Variants in CDK17 observed in about 807,000 individuals in gnomAD.
CDK17 encodes cyclin-dependent kinase 17.
Under a neutral mutation model 77.6 loss-of-function variants are expected in CDK17, and 24 were observed. That is an observed-to-expected ratio of 0.31 (90% confidence interval 0.22 to 0.44). The LOEUF (loss-of-function observed/expected upper bound fraction) is 0.44. Among genes scored for constraint, CDK17 ranks in the 20% least tolerant of loss-of-function variants. CDK17 has a pLI of 1.00. For missense variants in CDK17, 429 were observed against 622.5 expected, an observed-to-expected ratio of 0.69 and a Z score of 3.31; for synonymous variants, 203 against 210.4, an observed-to-expected ratio of 0.96 and a Z score of 0.30.
At chr12:96,312,595 G>A (rs965266717) in intron 4 of CDK17, among the ~76,000 whole-genome samples, 2 of 151,938 alleles carry the variant, frequency 1.3e-5, no homozygotes, top group African/African-American at 4.8e-5. Context: ...CAACCAATAG[G>A]AGAGATACCT....
chr12:96,345,420 T>C (rs1254817972), intron 1 of CDK17, among the ~76,000 whole-genome samples: 2 of 152,220 alleles, frequency 1.3e-5, no homozygotes, highest in East Asian at 3.8e-4. Flanking sequence ...TCCACAATGG[T>C]TGAACTAATT....
At chr12:96,338,238 A>G (rs1953073551) in intron 1 of CDK17, among the ~76,000 whole-genome samples, 1 of 152,230 alleles carries the variant, frequency 6.6e-6, no homozygotes, top group South Asian at 2.1e-4. Flanking sequence ...GTCATAGCCC[A>G]TGCAACTCCA....
chr12:96,342,658 C>A (rs980415651), intron 1 of CDK17, among the ~76,000 whole-genome samples: 2 of 152,106 alleles, frequency 1.3e-5, no homozygotes, highest in African/African-American at 4.8e-5. Flanking sequence ...GTTTTTTATA[C>A]AAACACTTAA....
At chr12:96,399,096 A>T (rs1275431450) in intron 1 of CDK17, 1 of 152,292 alleles carries the variant, frequency 6.6e-6, no homozygotes, top group Non-Finnish European at 1.5e-5. Context: ...TGCTTACCCG[A>T]AAAGGAGTGG....
chr12:96,313,689 T>C (rs1447571085), intron 3 of CDK17, among the ~76,000 whole-genome samples: 1 of 152,190 alleles, frequency 6.6e-6, no homozygotes, highest in East Asian at 1.9e-4. Flanking sequence ...ATTCAAGTTA[T>C]TATCAAGGGT....
intron 1 of CDK17, among the ~76,000 whole-genome samples, chr12:96,355,687 T>C (rs1278914471): frequency 6.6e-6 from 1 of 152,116 alleles, no homozygotes; most frequent in Admixed American, 6.5e-5. Flanking sequence ...ATTACAGGCG[T>C]GAGCCAACGT....
chr12:96,376,454 C>A (rs1188314614), intron 1 of CDK17, among the ~76,000 whole-genome samples: 1 of 152,142 alleles, frequency 6.6e-6, no homozygotes, highest in Non-Finnish European at 1.5e-5. Flanking sequence ...ACCCACATGG[C>A]CCCCTACAAA....
chr12:96,347,588 G>GAGGGGAAGGA (rs1161859322), intron 1 of CDK17, among the ~76,000 whole-genome samples: 1 of 13,050 alleles, frequency 7.7e-5, no homozygotes, highest in Non-Finnish European at 1.4e-4. Context: ...GAGGGGAGGG[G>GAGGGGAAGGA]AGGGGAAGGG....
chr12:96,373,269 C>T (rs1336115548), intron 1 of CDK17, among the ~76,000 whole-genome samples: 1 of 152,136 alleles, frequency 6.6e-6, no homozygotes, highest in Non-Finnish European at 1.5e-5. Flanking sequence ...ACTGAGAAAA[C>T]TGCATTTAGT....
chr12:96,375,240 T>C (rs1953759189), intron 1 of CDK17, among the ~76,000 whole-genome samples: 2 of 152,214 alleles, frequency 1.3e-5, no homozygotes, highest in South Asian at 4.1e-4. Context: ...CCTATAATTA[T>C]AGGAGTTTGA....
chr12:96,384,153 T>G (rs1349424783), intron 1 of CDK17, among the ~76,000 whole-genome samples: 1 of 151,604 alleles, frequency 6.6e-6, no homozygotes, highest in African/African-American at 2.4e-5. Flanking sequence ...ATGAAAAAAA[T>G]GTTCAACATT....
At chr12:96,290,140 C>T (rs1952305235) in intron 10 of CDK17, among the ~76,000 whole-genome samples, 1 of 152,206 alleles carries the variant, frequency 6.6e-6, no homozygotes, top group Non-Finnish European at 1.5e-5. Context: ...ATGGGTTGGA[C>T]AAGCTTGCTG....
intron 1 of CDK17, among the ~76,000 whole-genome samples, chr12:96,369,282 T>C (rs1479855866): frequency 6.6e-6 from 1 of 152,220 alleles, no homozygotes; most frequent in Non-Finnish European, 1.5e-5. Context: ...AAAGGAATTC[T>C]TTACATAAAC....
At chr12:96,346,898 A>T (rs527850197) in intron 1 of CDK17, among the ~76,000 whole-genome samples, 25 of 151,352 alleles carry the variant, frequency 1.7e-4, no homozygotes, top group Admixed American at 1.6e-3. Context: ...CTGGTGAGGG[A>T]GGGAGACTCT....
chr12:96,378,577 T>C (rs1223942824), intron 1 of CDK17, among the ~76,000 whole-genome samples: 1 of 152,244 alleles, frequency 6.6e-6, no homozygotes, highest in African/African-American at 2.4e-5. Flanking sequence ...TACAGGGATA[T>C]TGTTGCTTCT....
chr12:96,379,431 A>ATT (rs34213175), intron 1 of CDK17, among the ~76,000 whole-genome samples: 2 of 148,846 alleles, frequency 1.3e-5, no homozygotes, highest in African/African-American at 2.5e-5. Flanking sequence ...TTTAAATCTA[A>ATT]TTTTTTTTTT....
chr12:96,306,077 A>T (rs1306390319), intron 5 of CDK17, among the ~76,000 whole-genome samples: 4 of 152,124 alleles, frequency 2.6e-5, no homozygotes, highest in Non-Finnish European at 5.9e-5. Context: ...TAAGAGAGGA[A>T]GAGTTAATCA....
chr12:96,368,779 G>A (rs573756923), intron 1 of CDK17, among the ~76,000 whole-genome samples: 9 of 126,712 alleles, frequency 7.1e-5, no homozygotes, highest in Non-Finnish European at 1.4e-4. Flanking sequence ...CTTGGAAGAG[G>A]AAATTTAGAA....
chr12:96,318,550 T>G lies in CDK17; in HGVS notation c.284-5096A>C, dbSNP rs990179768. Among the ~76,000 whole-genome samples, 3 of 144,370 alleles carry G rather than the reference T, an allele frequency of 2.1e-5. No homozygotes were observed. The Admixed American group carries it at 2.1e-4, about 10-fold the overall frequency. The allele number at this position is 144,370 out of a possible 152,430, so 94.7% of individuals were successfully genotyped here. A position where few individuals can be genotyped will look rare whatever the true frequency, so the allele number is the denominator to read the frequency against. On this transcript the variant is annotated intron_variant, in intron 3 of 16. Transcript: ENST00000261211. ...CCAAAATTGACCACATAGTTGGAAG[T>G]AAAGCTCTCCTCAGCAAATGTAAAA... is the stretch of plus-strand genomic sequence containing the variant.
Sources: gnomAD v4.1 joint callset for allele counts (sites outside exome capture counted in the v4.1 genomes callset) on GRCh38, gnomAD v4.1.1 for gene constraint, MANE v1.5 for transcripts, NCBI Gene and HGNC (gene_info 2026-07-23, HGNC 2026-07-21) for gene names.